The following ELP1 variants were observed in gnomAD, a reference collection of about 807,000 sequenced individuals.
The protein encoded by ELP1 is elongator acetyltransferase complex subunit 1, also known as elongator complex protein 1.
In ELP1, 131 loss-of-function variants were observed where a neutral mutation model predicts 183.2. The ratio of observed to expected loss-of-function variants is 0.72; its 90% CI spans 0.62 to 0.83. The LOEUF is 0.83. Among genes scored for constraint, ELP1 ranks in the 40% least tolerant of loss-of-function variants. The pLI, the probability that ELP1 is intolerant of heterozygous loss-of-function variation, is 0.00. For missense variants in ELP1, 1,550 were observed against 1,594.9 expected (o/e 0.97, Z 0.48); for synonymous variants, 555 against 569.0 (o/e 0.98, Z 0.35).
At position 108,919,259 on chromosome 9, in the gene ELP1, C is replaced by G; in HGVS notation, c.643G>C (p.Glu215Gln). Residue 215 changes from glutamate to glutamine, a missense_variant, in exon 7 of 37, where the codon GAA becomes CAA. By Grantham distance (29) the Glu-to-Gln change is conservative. Transcript: ENST00000374647. ...CTGCAATATATTTCCATACCTGTTT[C>G]TGGGCAAACAACACTCACAGCAAAA... Reference protein sequence around the residue: ...QFFAVSVVCPETGARKVRVWN... With the variant: ...QFFAVSVVCPQTGARKVRVWN... The G allele has an allele frequency of 6.2e-7, 1 of 1,611,018 alleles. No individual in the cohort carries two copies. Among genetic ancestry groups the G allele is most frequent in the African/African-American group, 1.3e-5 (1 of 74,894 alleles).
At chr9:108,897,404 G>T in intron 22 of ELP1, 119 bp from the exon 23 acceptor site, 2 of 1,035,594 alleles carry the variant, frequency 1.9e-6, no homozygotes, top group African/African-American at 1.6e-5. Context: ...GAAAAGAGTT[G>T]AATTATAAAA....
chr9:108,926,741 TA>T (rs1829836406), intron 4 of ELP1, 138 bp from the exon 5 acceptor site: 3 of 694,856 alleles, frequency 4.3e-6, no homozygotes, highest in African/African-American at 3.6e-5. Context: ...TGCTTTGACT[TA>T]AAAAAACAAC....
chr9:108,918,540 C>A (rs1340068486), intron 8 of ELP1, among the ~76,000 whole-genome samples: 7 of 151,988 alleles, frequency 4.6e-5, no homozygotes, highest in Admixed American at 4.6e-4. Flanking sequence ...AAAACCACAG[C>A]CTTTTAAGAG....
At chr9:108,891,064 A>G in intron 28 of ELP1, 139 bp downstream of exon 28, 1 of 828,706 alleles carries the variant, frequency 1.2e-6, no homozygotes, top group Non-Finnish European at 2.0e-6. Flanking sequence ...CCTTTAAAGC[A>G]TTCTAAATTA....
intron 22 of ELP1, among the ~76,000 whole-genome samples, chr9:108,898,266 C>T (rs1266140497): frequency 1.3e-5 from 2 of 151,984 alleles, no homozygotes; most frequent in Non-Finnish European, 2.9e-5. Flanking sequence ...ATATGTATAC[C>T]TAAAAATCAA....
intron 25 of ELP1, among the ~76,000 whole-genome samples, chr9:108,895,896 C>G (rs1000210538): frequency 4.6e-5 from 7 of 152,170 alleles, no homozygotes; most frequent in Non-Finnish European, 8.8e-5. Context: ...GAACATGAAC[C>G]ACTTGTTACA....
At chr9:108,905,255 T>G (rs897325253) in intron 14 of ELP1, among the ~76,000 whole-genome samples, 3 of 152,226 alleles carry the variant, frequency 2.0e-5, no homozygotes, top group African/African-American at 7.2e-5. Flanking sequence ...GCAACAACGT[T>G]TCTCAGAAAT....
chr9:108,902,736 G>C, intron 16 of ELP1, 103 bp downstream of exon 16: 1 of 812,276 alleles, frequency 1.2e-6, no homozygotes, highest in Non-Finnish European at 2.2e-6. Flanking sequence ...TAGGCATTTA[G>C]TGGAGACCCA....
chr9:108,917,206 G>A (rs1156776830), intron 9 of ELP1, among the ~76,000 whole-genome samples: 1 of 152,096 alleles, frequency 6.6e-6, no homozygotes, highest in Non-Finnish European at 1.5e-5. Flanking sequence ...GGTGGCTCAC[G>A]CCTGTAATCC....
chr9:108,878,766 C>T lies in ELP1; in HGVS notation c.3573-16G>A. 1 of 1,613,394 alleles carries T rather than the reference C, an allele frequency of 6.2e-7. No homozygotes were observed. Among genetic ancestry groups the T allele is most frequent in the Non-Finnish European group, 8.5e-7 (1 of 1,179,942 alleles). ...GGATGATCTCCTGTTAGAAATTACA[C>T]AGATATTTTTAAGCCTCCTGAGTAG... On this transcript the variant is annotated splice_polypyrimidine_tract_variant and intron_variant, in intron 33 of 36. Coordinates refer to ENST00000374647, the MANE Select transcript of ELP1 (RefSeq NM_003640.5).
chr9:108,900,578 C>G (rs1828741223), intron 18 of ELP1, among the ~76,000 whole-genome samples: 1 of 152,188 alleles, frequency 6.6e-6, no homozygotes, highest in Non-Finnish European at 1.5e-5. Context: ...TTACAGAGCC[C>G]TCATGCACAT....
At chr9:108,881,381 C>G (rs900358056) in intron 31 of ELP1, among the ~76,000 whole-genome samples, 1 of 152,152 alleles carries the variant, frequency 6.6e-6, no homozygotes, top group African/African-American at 2.4e-5. Context: ...TATATAACCA[C>G]AACATGATTA....
intron 14 of ELP1, among the ~76,000 whole-genome samples, chr9:108,905,868 TACACACACACAC>T (rs35044796): frequency 1.4e-5 from 2 of 147,954 alleles, no homozygotes; most frequent in African/African-American, 2.5e-5. Context: ...AAGGTATGTA[TACACACACACAC>T]ACACACACAC....
chr9:108,897,907 T>C (rs1055961477), intron 22 of ELP1, among the ~76,000 whole-genome samples: 1 of 152,140 alleles, frequency 6.6e-6, no homozygotes, highest in African/African-American at 2.4e-5. Flanking sequence ...TGTAGATAAA[T>C]ATGACCTGAA....
rs201742754 is a variant in ELP1, at chr9:108,900,324, C to T, written c.2066G>A (p.Arg689Gln). The T allele has an allele frequency of 3.4e-5, 55 of 1,614,072 alleles. No individual in the cohort carries two copies. The highest frequency in any genetic ancestry group is 5.0e-5 in the Admixed American group (3 of 60,008). The change falls in exon 19 of 37, where the codon CGG becomes CAG. Residue 689 changes from arginine (R) to glutamine (Q), a missense_variant. By Grantham distance (43) the Arg-to-Gln change is conservative. Transcript: ENST00000374647. ...AATCCGTGAACCCCTCTCCACTTTC[C>T]GCAGAACTTCCCCATGGGACACATG... ...SNHVSHGEVL[R>Q]KVERGSRIVT...
chr9:108,916,750 G>T (rs1829449662), intron 9 of ELP1, among the ~76,000 whole-genome samples: 1 of 152,284 alleles, frequency 6.6e-6, no homozygotes, highest in Non-Finnish European at 1.5e-5. Flanking sequence ...AGGCCAAAGA[G>T]TTGCGGACCG....
chr9:108,928,628 A>G (rs1829895379), intron 3 of ELP1, among the ~76,000 whole-genome samples: 1 of 152,208 alleles, frequency 6.6e-6, no homozygotes, highest in Non-Finnish European at 1.5e-5. Flanking sequence ...AGGGGCTTAT[A>G]AGGCACAATA....
chr9:108,914,259 C>T (rs928261441), intron 10 of ELP1, among the ~76,000 whole-genome samples: 2 of 151,624 alleles, frequency 1.3e-5, no homozygotes, highest in African/African-American at 2.4e-5. Flanking sequence ...ATTAGCCAGG[C>T]TTGGTGGCGG....
At chr9:108,901,875 C>G (rs1483535526) in intron 16 of ELP1, among the ~76,000 whole-genome samples, 194 bp from the exon 17 acceptor site, 2 of 152,124 alleles carry the variant, frequency 1.3e-5, no homozygotes, top group Non-Finnish European at 2.9e-5. Flanking sequence ...TCAGTGAGCC[C>G]TGACATCTCC....
Sources: gnomAD v4.1 joint callset for allele counts (sites outside exome capture counted in the v4.1 genomes callset) on GRCh38, gnomAD v4.1.1 for gene constraint, MANE v1.5 for transcripts, NCBI Gene and HGNC (gene_info 2026-07-23, HGNC 2026-07-21) for gene names.